Variants in SLC7A14 observed in about 807,000 individuals in gnomAD.
The protein encoded by SLC7A14 is gamma-aminobutyric acid transporter SLC7A14.
In SLC7A14, 37 loss-of-function variants were observed where a neutral mutation model predicts 60.2. The ratio of observed to expected loss-of-function variants is 0.61; its 90% CI spans 0.47 to 0.81. The LOEUF is 0.81. Among genes scored for constraint, SLC7A14 ranks in the 30% least tolerant of loss-of-function variants. The probability of loss-of-function intolerance (pLI) is 0.00; values close to 1 mark genes in which losing one functional copy is unlikely to be tolerated. For missense variants in SLC7A14, 886 were observed against 982.7 expected (o/e 0.90, Z 1.32); for synonymous variants, 399 against 395.8 (o/e 1.01, Z -0.10).
chr3:170,518,926 T>G (rs1713252447), intron 2 of SLC7A14, among the ~76,000 whole-genome samples: 1 of 152,168 alleles, frequency 6.6e-6, no homozygotes, highest in Non-Finnish European at 1.5e-5. Context: ...TATTCAAGTG[T>G]GAGCTTGCTG....
intron 2 of SLC7A14, among the ~76,000 whole-genome samples, chr3:170,505,898 AAGAG>A (rs1417086882): frequency 3.3e-5 from 5 of 152,046 alleles, no homozygotes. Context: ...AAAAAAAAAA[AAGAG>A]AGATTAACAT....
rs971774488 is a variant in SLC7A14 at position 170,461,239 on chromosome 3, T to G, written c.*5816A>C. On this transcript the variant is annotated 3_prime_UTR_variant, in exon 8 of 8. Transcript: ENST00000231706. The stretch of plus-strand genomic sequence containing the variant: ...CAGTTTAATGATTTTGTACACTGTT[T>G]TAGTTGATACTGCAGAACACATATT... 11 of 152,344 alleles carry G rather than the reference T, an allele frequency of 7.2e-5. No individual in the cohort carries two copies. The East Asian group carries it at 2.1e-3, about 29-fold the overall frequency. The allele number at this position is 152,344 out of a possible 1,614,324, so 9.4% of individuals were successfully genotyped here.
chr3:170,507,883 GC>G (rs1316096646), intron 2 of SLC7A14, among the ~76,000 whole-genome samples: 1 of 152,150 alleles, frequency 6.6e-6, no homozygotes, highest in Non-Finnish European at 1.5e-5. Context: ...CTTCCCCAAA[GC>G]CCCTCACCCT....
rs114275965 is a variant in SLC7A14 at position 170,548,434 on chromosome 3, A to G, written c.-152-21346T>C. Among the ~76,000 whole-genome samples the G allele has an allele frequency of 1.3e-3, 194 of 152,328 alleles. 2 individuals carry two copies. Among genetic ancestry groups the G allele is most frequent in the African/African-American group, 4.6e-3 (190 of 41,582 alleles). On this transcript the variant is annotated intron_variant, in intron 1 of 7. Coordinates refer to ENST00000231706, the MANE Select transcript of SLC7A14 (RefSeq NM_020949.3). ...AATGGGGCCTGAGATTCTACTAAGAAGCTTCCAGAAGATGCCTCTACCTGT... is the reference window on the plus strand; with the variant it reads ...AATGGGGCCTGAGATTCTACTAAGAGGCTTCCAGAAGATGCCTCTACCTGT...
At chr3:170,486,498 C>T (rs938621558) in intron 4 of SLC7A14, 130 bp from the exon 5 acceptor site, 7 of 1,155,542 alleles carry the variant, frequency 6.1e-6, no homozygotes, top group Middle Eastern at 2.3e-4. Context: ...TGGTGGAACT[C>T]GTGCTAAACA....
At chr3:170,501,786 A>C (rs556268519) in intron 2 of SLC7A14, among the ~76,000 whole-genome samples, 1 of 152,370 alleles carries the variant, frequency 6.6e-6, no homozygotes, top group Admixed American at 6.5e-5. Flanking sequence ...TACTTTGAGC[A>C]ATCTGTGAAA....
chr3:170,547,161 C>A (rs6784896), intron 1 of SLC7A14, among the ~76,000 whole-genome samples: 1 of 151,968 alleles, frequency 6.6e-6, no homozygotes, highest in East Asian at 1.9e-4. Flanking sequence ...CTCTCTCTTC[C>A]TTTTCATTCT....
intron 1 of SLC7A14, among the ~76,000 whole-genome samples, chr3:170,567,637 T>C (rs1714831821): frequency 6.7e-6 from 1 of 149,974 alleles, no homozygotes; most frequent in Non-Finnish European, 1.5e-5. Context: ...AGTGTAAAAG[T>C]GTTCCTATTT....
chr3:170,554,735 A>G (rs1179624900), intron 1 of SLC7A14, among the ~76,000 whole-genome samples: 1 of 152,184 alleles, frequency 6.6e-6, no homozygotes, highest in Non-Finnish European at 1.5e-5. Context: ...GCCTTCAACA[A>G]CACCCTGATG....
intron 4 of SLC7A14, among the ~76,000 whole-genome samples, chr3:170,494,223 T>C (rs1712312153): frequency 6.6e-6 from 1 of 152,262 alleles, no homozygotes; most frequent in East Asian, 1.9e-4. Context: ...AGTGGAGAGC[T>C]CTGTACTTAT....
intron 7 of SLC7A14, among the ~76,000 whole-genome samples, chr3:170,474,760 A>G (rs557502005): frequency 1.3e-5 from 2 of 152,086 alleles, no homozygotes; most frequent in African/African-American, 4.8e-5. Flanking sequence ...GGATATTTCT[A>G]TTTTGAGATA....
chr3:170,496,169 G>T, intron 4 of SLC7A14: 1 of 909,944 alleles, frequency 1.1e-6, no homozygotes, highest in Non-Finnish European at 1.8e-6. Flanking sequence ...CTGCGGTGCT[G>T]TCCATGGACA....
chr3:170,483,065 C>T (rs921434153), intron 6 of SLC7A14, among the ~76,000 whole-genome samples: 8 of 152,058 alleles, frequency 5.3e-5, no homozygotes, highest in African/African-American at 1.2e-4. Context: ...CACGCAATGT[C>T]GACAGGAGGG....
At chr3:170,565,276 C>T (rs1382180970) in intron 1 of SLC7A14, among the ~76,000 whole-genome samples, 2 of 152,122 alleles carry the variant, frequency 1.3e-5, no homozygotes, top group Admixed American at 1.3e-4. Context: ...TGATGGCTCT[C>T]AACTGCAGTA....
intron 2 of SLC7A14, among the ~76,000 whole-genome samples, chr3:170,525,864 A>T (rs977131663): frequency 6.6e-6 from 1 of 152,268 alleles, no homozygotes; most frequent in South Asian, 2.1e-4. Flanking sequence ...CGGGGTCAGG[A>T]GTACGACAGC....
chr3:170,464,645 T>C lies in SLC7A14; in HGVS notation c.*2410A>G, dbSNP rs761927430. On this transcript the variant is annotated 3_prime_UTR_variant, in exon 8 of 8. Transcript: ENST00000231706. ...AAGCTTAAAATATACTAATATACTATGTGGGAAAAATGGCTCCTGAAATGA... is the reference window on the plus strand; with the variant it reads ...AAGCTTAAAATATACTAATATACTACGTGGGAAAAATGGCTCCTGAAATGA... 1.3e-5 allele frequency: 2 copies of C among 152,154 alleles called. No homozygotes were observed. Among genetic ancestry groups the C allele is most frequent in the Admixed American group, 6.5e-5 (1 of 15,276 alleles). 9.4% of individuals were successfully genotyped at this position (152,154 alleles called of 1,614,324 possible).
chr3:170,518,106 C>G (rs187083538), intron 2 of SLC7A14, among the ~76,000 whole-genome samples: 8 of 152,282 alleles, frequency 5.3e-5, no homozygotes, highest in Non-Finnish European at 2.9e-5. Context: ...CTCCTTTAAC[C>G]TCTGACTCTG....
chr3:170,515,323 A>C (rs1183153888), intron 2 of SLC7A14, among the ~76,000 whole-genome samples: 1 of 131,282 alleles, frequency 7.6e-6, no homozygotes, highest in African/African-American at 3.2e-5. Flanking sequence ...CCCCCCCCAA[A>C]AAAAAAATAT....
chr3:170,576,377 G>A (rs1439545194), intron 1 of SLC7A14, among the ~76,000 whole-genome samples: 5 of 152,330 alleles, frequency 3.3e-5, no homozygotes, highest in African/African-American at 9.6e-5. Context: ...TACTGATTTT[G>A]CATCCCTAAA....
Sources: allele counts gnomAD v4.1 joint callset (sites outside exome capture counted in the v4.1 genomes callset), GRCh38; gene constraint gnomAD v4.1.1; transcripts MANE v1.5; gene names NCBI Gene and HGNC (gene_info 2026-07-23, HGNC 2026-07-21).